The following EIF3E variants were observed in gnomAD, a reference collection of about 807,000 sequenced individuals.
The protein encoded by EIF3E is eIF-3 p48.
In EIF3E, 25 loss-of-function variants were observed where a neutral mutation model predicts 59.3. The ratio of observed to expected loss-of-function variants is 0.42; its 90% CI spans 0.31 to 0.59. EIF3E has a LOEUF of 0.59. Among genes scored for constraint, EIF3E ranks in the 20% least tolerant of loss-of-function variants. The pLI, the probability that EIF3E is intolerant of heterozygous loss-of-function variation, is 0.15. For missense variants in EIF3E, 317 were observed against 534.3 expected, an observed-to-expected ratio of 0.59 and a Z score of 4.01; for synonymous variants, 176 against 170.2, an observed-to-expected ratio of 1.03 and a Z score of -0.26.
intron 7 of EIF3E, among the ~76,000 whole-genome samples, chr8:108,221,165 G>GA (rs951639161): frequency 6.6e-6 from 1 of 151,588 alleles, no homozygotes; most frequent in Admixed American, 6.6e-5. Flanking sequence ...ACACTTAACT[G>GA]AAAAAAAAAT....
intron 7 of EIF3E, among the ~76,000 whole-genome samples, chr8:108,218,782 C>CTTTTTTTTTTTTTTTTTTTTTTT (rs35642365): frequency 1.8e-5 from 2 of 111,162 alleles, no homozygotes; most frequent in Non-Finnish European, 3.5e-5. Context: ...TATTTTATTT[C>CTTTTTTTTTTTTTTTTTTTTTTT]TTTTTTTTTT....
intron 10 of EIF3E, among the ~76,000 whole-genome samples, chr8:108,211,421 T>C (rs1815208406): frequency 6.6e-6 from 1 of 152,226 alleles, no homozygotes; most frequent in Admixed American, 6.5e-5. Context: ...GTTCATATCC[T>C]TTGCCCACTT....
At position 108,201,688 on chromosome 8, in the gene EIF3E, A is replaced by G. The variant is rs1191946040; in HGVS notation, c.*197T>C. The stretch of plus-strand genomic sequence containing the variant: ...AATTCCTCTGAATATAATTATTCCA[A>G]AAAAGAAAGTTAAAAAAACACAAAC... On this transcript the variant is annotated 3_prime_UTR_variant, in exon 13 of 13. Transcript: ENST00000220849. 2 of 486,832 alleles carry G rather than the reference A, an allele frequency of 4.1e-6. No individual in the cohort carries two copies. Among genetic ancestry groups the G allele is most frequent in the Non-Finnish European group, 6.9e-6 (2 of 288,652 alleles). The allele number at this position is 486,832 out of a possible 1,614,324, so 30.2% of individuals were successfully genotyped here.
rs1429576682 is a variant in EIF3E, at chr8:108,206,160, G to A, written c.1062-2657C>T. ...ACATTTACTCAACAAAATACCAACC[G>A]TGTTAGATGCTACTGGCAAAACATC... On this transcript the variant is annotated intron_variant, in intron 10 of 12. Transcript: ENST00000220849. 2.6e-5 allele frequency among the ~76,000 whole-genome samples: 4 copies of A among 151,896 alleles called. No homozygotes were observed. The East Asian group carries it at 5.8e-4, about 22-fold the overall frequency.
rs1815844007 is a variant in EIF3E at position 108,241,923 on chromosome 8, A to G, written c.91-10T>C. 6.6e-7 allele frequency: 1 copy of G among 1,519,798 alleles called. No individual in the cohort carries two copies. Among genetic ancestry groups the G allele is most frequent in the African/African-American group, 1.4e-5 (1 of 71,538 alleles). The allele number at this position is 1,519,798 out of a possible 1,614,324, so 94.1% of individuals were successfully genotyped here. On this transcript the variant is annotated splice_polypyrimidine_tract_variant and intron_variant, in intron 1 of 12. Coordinates refer to ENST00000220849, the MANE Select transcript of EIF3E (RefSeq NM_001568.3). ...CCTTTTCATTATATATCTGCAAAAG[A>G]AGATAACTTTCTAATGAATATATTT...
At chr8:108,217,550 T>A in intron 7 of EIF3E, 90 bp from the exon 8 acceptor site, 1 of 1,104,122 alleles carries the variant, frequency 9.1e-7, no homozygotes, top group Non-Finnish European at 1.3e-6. Flanking sequence ...ACTATTTCAC[T>A]AGCCTAAGAC....
chr8:108,234,917 T>C, intron 5 of EIF3E, 81 bp downstream of exon 5: 1 of 825,354 alleles, frequency 1.2e-6, no homozygotes, highest in Non-Finnish European at 1.8e-6. Context: ...CCCAAATCTA[T>C]CTATATACAT....
At chr8:108,240,934 C>G (rs1050830796) in intron 2 of EIF3E, among the ~76,000 whole-genome samples, 4 of 151,460 alleles carry the variant, frequency 2.6e-5, no homozygotes, top group South Asian at 2.1e-4. Flanking sequence ...GAGCCGAGAT[C>G]GCACCACTGC....
At chr8:108,210,377 C>T (rs1189128577) in intron 10 of EIF3E, among the ~76,000 whole-genome samples, 5 of 152,112 alleles carry the variant, frequency 3.3e-5, no homozygotes, top group African/African-American at 1.2e-4. Context: ...TATTTTTAAG[C>T]TAAATTCTTG....
intron 5 of EIF3E, among the ~76,000 whole-genome samples, chr8:108,233,159 A>C (rs1815655180): frequency 6.6e-6 from 1 of 152,236 alleles, no homozygotes; most frequent in Non-Finnish European, 1.5e-5. Flanking sequence ...AGTGAACCAC[A>C]GCTAATCTGT....
chr8:108,225,355 A>G (rs1815498676), intron 7 of EIF3E, among the ~76,000 whole-genome samples: 1 of 151,514 alleles, frequency 6.6e-6, no homozygotes. Flanking sequence ...TCTGGTAGTG[A>G]TGTTCATGAA....
chr8:108,246,284 TGG>T (rs59396353), intron 1 of EIF3E, among the ~76,000 whole-genome samples: 34,381 of 126,200 alleles, frequency 0.27, 5,106 homozygotes, highest in East Asian at 0.48. Flanking sequence ...TAAGGGGGTG[TGG>T]GGGGGGGGGG....
chr8:108,222,620 C>A (rs74507146), intron 7 of EIF3E, among the ~76,000 whole-genome samples: 5 of 152,194 alleles, frequency 3.3e-5, no homozygotes. Context: ...TGGCTTATCT[C>A]TCTTCTCTGT....
At chr8:108,236,839 T>C (rs910840435) in intron 3 of EIF3E, among the ~76,000 whole-genome samples, 2 of 151,958 alleles carry the variant, frequency 1.3e-5, no homozygotes, top group Non-Finnish European at 2.9e-5. Context: ...CTGGCAAACA[T>C]GGTGAGACCC....
At chr8:108,238,149 C>A (rs1022498922) in intron 3 of EIF3E, among the ~76,000 whole-genome samples, 1 of 152,106 alleles carries the variant, frequency 6.6e-6, no homozygotes, top group East Asian at 1.9e-4. Context: ...TTCCGCTGTC[C>A]CTTTGTAATC....
chr8:108,213,495 A>G (rs1011781353), intron 10 of EIF3E, among the ~76,000 whole-genome samples: 1 of 152,206 alleles, frequency 6.6e-6, no homozygotes, highest in African/African-American at 2.4e-5. Context: ...TGGACCAAAA[A>G]GCACCCAAAT....
At chr8:108,218,616 C>A (rs1426600850) in intron 7 of EIF3E, among the ~76,000 whole-genome samples, 1 of 152,064 alleles carries the variant, frequency 6.6e-6, no homozygotes, top group Non-Finnish European at 1.5e-5. Flanking sequence ...TAAATTACAT[C>A]ATCTGAAAAA....
intron 5 of EIF3E, among the ~76,000 whole-genome samples, chr8:108,234,111 C>T (rs1253158571): frequency 6.6e-6 from 1 of 152,196 alleles, no homozygotes; most frequent in Admixed American, 6.5e-5. Flanking sequence ...CGGCTCACTG[C>T]AACCTCCACC....
In EIF3E at chr8:108,241,924, A is replaced by C. The variant is rs1306655289; in HGVS notation, c.91-11T>G. Reference sequence around the variant, plus strand: ...CTTTTCATTATATATCTGCAAAAGAAGATAACTTTCTAATGAATATATTTA... The same window carrying C: ...CTTTTCATTATATATCTGCAAAAGACGATAACTTTCTAATGAATATATTTA... On this transcript the variant is annotated splice_polypyrimidine_tract_variant and intron_variant, in intron 1 of 12. Coordinates refer to ENST00000220849, the MANE Select transcript of EIF3E (RefSeq NM_001568.3). The C allele has an allele frequency of 2.6e-6, 4 of 1,521,998 alleles. No homozygotes were observed. The highest frequency in any genetic ancestry group is 3.6e-6 in the Non-Finnish European group (4 of 1,119,574). 94.3% of individuals were successfully genotyped at this position (1,521,998 alleles called of 1,614,324 possible). A position where few individuals can be genotyped will look rare whatever the true frequency, so the allele number is the denominator to read the frequency against.
Sources: gnomAD v4.1 joint callset for allele counts (sites outside exome capture counted in the v4.1 genomes callset) on GRCh38, gnomAD v4.1.1 for gene constraint, MANE v1.5 for transcripts, NCBI Gene and HGNC (gene_info 2026-07-23, HGNC 2026-07-21) for gene names.